Variants in PRKD1 observed in about 807,000 individuals in gnomAD.
PRKD1 encodes the protein protein kinase D1.
In PRKD1, 63 loss-of-function variants were observed where a neutral mutation model predicts 95.9. The ratio of observed to expected loss-of-function variants is 0.66; its 90% CI spans 0.54 to 0.81. The LOEUF (loss-of-function observed/expected upper bound fraction) is 0.81. PRKD1 is among the 30% of genes least tolerant of loss of function. The pLI is 0.00. For missense variants in PRKD1, 1,048 were observed against 1,165.3 expected (o/e 0.90, Z 1.47); for synonymous variants, 425 against 423.1 (o/e 1.00, Z -0.05).
At chr14:29,648,620 T>C (rs1245529024) in intron 4 of PRKD1, among the ~76,000 whole-genome samples, 1 of 152,198 alleles carries the variant, frequency 6.6e-6, no homozygotes, top group East Asian at 1.9e-4. Flanking sequence ...GTGTTTACCA[T>C]GTGCTGGCCT....
chr14:29,604,483 C>T, intron 13 of PRKD1, among the ~76,000 whole-genome samples: 1 of 152,006 alleles, frequency 6.6e-6, no homozygotes, highest in Non-Finnish European at 1.5e-5. Flanking sequence ...AGTGATGAGC[C>T]TAGGATCTAA....
At chr14:29,644,693 C>G (rs945684742) in intron 4 of PRKD1, among the ~76,000 whole-genome samples, 2 of 151,966 alleles carry the variant, frequency 1.3e-5, no homozygotes, top group Non-Finnish European at 2.9e-5. Flanking sequence ...CTATCATTAT[C>G]TAGTTCAGCC....
chr14:29,838,070 CA>C (rs1226531799), intron 1 of PRKD1, among the ~76,000 whole-genome samples: 1 of 152,142 alleles, frequency 6.6e-6, no homozygotes, highest in African/African-American at 2.4e-5. Flanking sequence ...TTTGCATTCA[CA>C]TACTAATTTT....
chr14:29,730,070 A>C (rs1349702963), intron 1 of PRKD1, among the ~76,000 whole-genome samples: 1 of 152,126 alleles, frequency 6.6e-6, no homozygotes, highest in Non-Finnish European at 1.5e-5. Context: ...CTGCACAGCA[A>C]AGGAAACAAT....
intron 16 of PRKD1, among the ~76,000 whole-genome samples, chr14:29,596,462 CT>C (rs45462894): frequency 0.062 from 9,329 of 151,316 alleles, 942 homozygotes; most frequent in African/African-American, 0.21. Flanking sequence ...GGTGTCACTT[CT>C]TTTTTTTTGA....
chr14:29,742,701 A>G (rs1887032874), intron 1 of PRKD1, among the ~76,000 whole-genome samples: 1 of 152,216 alleles, frequency 6.6e-6, no homozygotes, highest in South Asian at 2.1e-4. Flanking sequence ...AAAATGTTAT[A>G]CTGTGACTAT....
At chr14:29,790,731 C>T (rs1001691784) in intron 1 of PRKD1, among the ~76,000 whole-genome samples, 14 of 152,230 alleles carry the variant, frequency 9.2e-5, no homozygotes, top group African/African-American at 2.4e-5. Context: ...TAGATTATGA[C>T]GATATTTTAT....
In PRKD1 at chr14:29,640,467, A is replaced by G. The variant is rs942688746; in HGVS notation, c.697-1563T>C. The stretch of plus-strand genomic sequence containing the variant: ...TTCTACACAGGAATATTAGGCCTAC[A>G]GTTACATTCACAATTACAATTCCAT... On this transcript the variant is annotated intron_variant, in intron 4 of 17. Transcript: ENST00000331968. Among the ~76,000 whole-genome samples the G allele has an allele frequency of 3.3e-5, 5 of 152,360 alleles. No individual in the cohort carries two copies. In the East Asian group the frequency reaches 7.7e-4, roughly 23 times the overall value.
At chr14:29,777,283 A>G (rs1192775485) in intron 1 of PRKD1, among the ~76,000 whole-genome samples, 2 of 152,230 alleles carry the variant, frequency 1.3e-5, no homozygotes, top group African/African-American at 2.4e-5. Context: ...GATCAAATTC[A>G]CACATAACAG....
chr14:29,905,458 C>T (rs1894462707), intron 1 of PRKD1, among the ~76,000 whole-genome samples: 1 of 151,734 alleles, frequency 6.6e-6, no homozygotes, highest in Non-Finnish European at 1.5e-5. Context: ...TACTTGATAA[C>T]TTTAAATAAC....
At chr14:29,734,894 C>A (rs1445562373) in intron 1 of PRKD1, among the ~76,000 whole-genome samples, 1 of 152,140 alleles carries the variant, frequency 6.6e-6, no homozygotes, top group Non-Finnish European at 1.5e-5. Flanking sequence ...GACAATTAGG[C>A]TCTGCTTGGG....
chr14:29,651,156 T>C (rs1301424226), intron 4 of PRKD1, among the ~76,000 whole-genome samples: 1 of 152,160 alleles, frequency 6.6e-6, no homozygotes, highest in Non-Finnish European at 1.5e-5. Context: ...GCAACTTAAT[T>C]ACAAAAGAGA....
At chr14:29,912,406 C>T (rs1380182868) in intron 1 of PRKD1, among the ~76,000 whole-genome samples, 2 of 152,154 alleles carry the variant, frequency 1.3e-5, no homozygotes, top group African/African-American at 2.4e-5. Context: ...TTTCAAGTGG[C>T]TTTTGTCCCC....
chr14:29,589,219 G>A (rs927338188), intron 16 of PRKD1, among the ~76,000 whole-genome samples: 2 of 152,050 alleles, frequency 1.3e-5, no homozygotes, highest in African/African-American at 4.8e-5. Flanking sequence ...GTACTATGAC[G>A]CTAACAAATG....
intron 1 of PRKD1, among the ~76,000 whole-genome samples, chr14:29,779,537 A>G (rs1213609494): frequency 2.0e-5 from 3 of 152,162 alleles, no homozygotes; most frequent in African/African-American, 7.2e-5. Context: ...CCCATTCACA[A>G]TTGCTTCAAA....
intron 13 of PRKD1, among the ~76,000 whole-genome samples, chr14:29,612,827 G>T (rs904756833): frequency 6.6e-6 from 1 of 152,170 alleles, no homozygotes; most frequent in African/African-American, 2.4e-5. Flanking sequence ...GGGCGGGCAC[G>T]GTGGCTCACG....
intron 1 of PRKD1, among the ~76,000 whole-genome samples, chr14:29,737,195 G>A (rs991725706): frequency 2.0e-5 from 3 of 150,852 alleles, no homozygotes; most frequent in Middle Eastern, 3.4e-3. Context: ...GGTGGCGGGC[G>A]CCTGTAGTCC....
At chr14:29,920,961 C>T (rs1471199540) in intron 1 of PRKD1, among the ~76,000 whole-genome samples, 1 of 152,170 alleles carries the variant, frequency 6.6e-6, no homozygotes, top group Non-Finnish European at 1.5e-5. Context: ...TTTCCAAGCA[C>T]CTTCCTTCTC....
intron 11 of PRKD1, 27 bp downstream of exon 11, chr14:29,629,014 G>C (rs1439692698): frequency 7.5e-6 from 11 of 1,469,486 alleles, no homozygotes; most frequent in Non-Finnish European, 1.0e-5. Flanking sequence ...ACATTAGCAA[G>C]TTTTATATTA....
Sources: gnomAD v4.1 joint callset for allele counts (sites outside exome capture counted in the v4.1 genomes callset) on GRCh38, gnomAD v4.1.1 for gene constraint, MANE v1.5 for transcripts, NCBI Gene and HGNC (gene_info 2026-07-23, HGNC 2026-07-21) for gene names.